Variants in JARID2 observed in about 807,000 individuals in gnomAD.
JARID2 encodes the protein protein Jumonji.
JARID2 carries 21 observed loss-of-function variants against 125.6 expected under a neutral mutation model. The observed-to-expected ratio is 0.17, with a 90% CI of 0.12 to 0.24. The LOEUF is 0.24. JARID2 is among the 10% of genes least tolerant of loss of function. JARID2 has a pLI of 1.00. For missense variants in JARID2, 1,303 were observed against 1,639.6 expected, an observed-to-expected ratio of 0.79 and a Z score of 3.55; for synonymous variants, 736 against 661.6, an observed-to-expected ratio of 1.11 and a Z score of -1.73.
chr6:15,403,088 G>A (rs1307004170), intron 2 of JARID2, among the ~76,000 whole-genome samples: 1 of 152,160 alleles, frequency 6.6e-6, no homozygotes, highest in African/African-American at 2.4e-5. Context: ...GGGGAAGAGA[G>A]TGGGGAGGAT....
intron 6 of JARID2, 102 bp from the exon 7 acceptor site, chr6:15,496,030 C>T: frequency 1.1e-6 from 1 of 937,320 alleles, no homozygotes; most frequent in South Asian, 1.6e-5. Context: ...TGGCTCTGTT[C>T]ATCCCCAGCA....
chr6:15,340,820 A>AGG (rs1763042972), intron 1 of JARID2, among the ~76,000 whole-genome samples: 1 of 152,162 alleles, frequency 6.6e-6, no homozygotes, highest in African/African-American at 2.4e-5. Context: ...GTTTTAGATA[A>AGG]CACTCAGTTG....
Position 15,452,195 on chromosome 6 carries a change from G to C in JARID2, c.493+20G>C. On this transcript the variant is annotated intron_variant, in intron 4 of 17. Coordinates refer to ENST00000341776, the MANE Select transcript of JARID2 (RefSeq NM_004973.4). ...TTCGAGGTAAGACTTTGCAACCATC[G>C]GCGGAGGTCTACGTGGAATCTACAT... is the stretch of plus-strand genomic sequence containing the variant. 1 of 1,612,076 alleles carries C rather than the reference G, an allele frequency of 6.2e-7. No homozygotes were observed.
chr6:15,247,657 T>G (rs1415408452), intron 1 of JARID2: 2 of 985,116 alleles, frequency 2.0e-6, no homozygotes, highest in African/African-American at 3.5e-5. Flanking sequence ...CATTGTGGTG[T>G]GTGTAATGAG....
chr6:15,248,874 C>CGCAGAGCCGGGCTGCG (rs1561744821), intron 1 of JARID2: 1 of 983,130 alleles, frequency 1.0e-6, no homozygotes, highest in African/African-American at 1.7e-5. Context: ...CGGGGGCTGC[C>CGCAGAGCCGGGCTGCG]GCAGAGCCGG....
chr6:15,331,005 T>A (rs1251269310), intron 1 of JARID2, among the ~76,000 whole-genome samples: 1 of 152,112 alleles, frequency 6.6e-6, no homozygotes. Flanking sequence ...TTCATTGTCT[T>A]GTGAAAGGAG....
At chr6:15,298,210 A>G (rs1199601582) in intron 1 of JARID2, among the ~76,000 whole-genome samples, 1 of 152,216 alleles carries the variant, frequency 6.6e-6, no homozygotes, top group South Asian at 2.1e-4. Flanking sequence ...AATTTGCTTT[A>G]TTAAGTATCT....
chr6:15,271,733 C>G (rs988598807), intron 1 of JARID2, among the ~76,000 whole-genome samples: 2 of 152,202 alleles, frequency 1.3e-5, no homozygotes, highest in African/African-American at 4.8e-5. Context: ...AGCACAGTGG[C>G]TCATGCCTGT....
At chr6:15,248,780 CCCT>C (rs998414818) in intron 1 of JARID2, 12 of 297,098 alleles carry the variant, frequency 4.0e-5, no homozygotes, top group South Asian at 1.3e-4. Context: ...TGGAACCTTC[CCCT>C]CCTCCTCCGT....
At position 15,469,785 on chromosome 6, in the gene JARID2, G is replaced by A. The variant is rs192756181; in HGVS notation, c.670+1067G>A. On this transcript the variant is annotated intron_variant, in intron 5 of 17. Transcript: ENST00000341776. Reference sequence around the variant, plus strand: ...ACCGAAGGTTGTCCAGTAGACATTGGAAGATGTAGAATAGGTATAAAAAGG... The same window carrying A: ...ACCGAAGGTTGTCCAGTAGACATTGAAAGATGTAGAATAGGTATAAAAAGG... Among the ~76,000 whole-genome samples the A allele has an allele frequency of 2.2e-3, 334 of 152,270 alleles. 5 individuals carry two copies. Among genetic ancestry groups the A allele is most frequent in the Non-Finnish European group, 6.5e-4 (44 of 68,036 alleles).
rs1052847808 is a variant in JARID2, at chr6:15,521,534, A to G, written c.*1283A>G. 1 of 152,182 alleles carries G rather than the reference A, an allele frequency of 6.6e-6. No homozygotes were observed. Among genetic ancestry groups the G allele is most frequent in the African/African-American group, 2.4e-5 (1 of 41,430 alleles). 9.4% of individuals were successfully genotyped at this position (152,182 alleles called of 1,614,324 possible). ...TGTAACATTTATAAGTGCTGCTTACATCACTGAACAACAACAAAAAAATAA... is the reference window on the plus strand; with the variant it reads ...TGTAACATTTATAAGTGCTGCTTACGTCACTGAACAACAACAAAAAAATAA... On this transcript the variant is annotated 3_prime_UTR_variant, in exon 18 of 18. Coordinates refer to ENST00000341776, the MANE Select transcript of JARID2 (RefSeq NM_004973.4).
intron 1 of JARID2, among the ~76,000 whole-genome samples, chr6:15,257,370 A>G (rs1292142471): frequency 3.3e-5 from 5 of 152,196 alleles, no homozygotes; most frequent in Admixed American, 6.5e-5. Flanking sequence ...CTCTACTTGC[A>G]CATACAGTTT....
chr6:15,263,125 G>T (rs867032720), intron 1 of JARID2, among the ~76,000 whole-genome samples: 4 of 148,094 alleles, frequency 2.7e-5, no homozygotes, highest in Middle Eastern at 6.9e-3. Flanking sequence ...TGTGGTAGGG[G>T]TCCTCATTTT....
chr6:15,355,254 G>A (rs1204976180), intron 1 of JARID2, among the ~76,000 whole-genome samples: 1 of 152,072 alleles, frequency 6.6e-6, no homozygotes, highest in African/African-American at 2.4e-5. Context: ...GTTAGAAATT[G>A]TCAATGAACT....
At chr6:15,319,104 G>C (rs907639252) in intron 1 of JARID2, among the ~76,000 whole-genome samples, 1 of 152,142 alleles carries the variant, frequency 6.6e-6, no homozygotes, top group African/African-American at 2.4e-5. Flanking sequence ...TAGCTTTTAT[G>C]GCTTATTCAC....
At chr6:15,490,902 G>A (rs1770119923) in intron 6 of JARID2, among the ~76,000 whole-genome samples, 1 of 152,240 alleles carries the variant, frequency 6.6e-6, no homozygotes. Flanking sequence ...GTGGCCACAT[G>A]TGATTCTCAT....
At chr6:15,259,012 C>T (rs1364119076) in intron 1 of JARID2, among the ~76,000 whole-genome samples, 1 of 152,112 alleles carries the variant, frequency 6.6e-6, no homozygotes, top group African/African-American at 2.4e-5. Context: ...GTTTTTCTTC[C>T]TAACTTATGG....
At chr6:15,449,476 T>C (rs1477725706) in intron 3 of JARID2, among the ~76,000 whole-genome samples, 2 of 149,142 alleles carry the variant, frequency 1.3e-5, no homozygotes, top group Admixed American at 6.6e-5. Context: ...GGAGACCCTG[T>C]CTTTATCAAA....
chr6:15,352,157 A>C (rs901954708), intron 1 of JARID2, among the ~76,000 whole-genome samples: 3 of 152,058 alleles, frequency 2.0e-5, no homozygotes, highest in Non-Finnish European at 4.4e-5. Context: ...AAATCCTGTT[A>C]GTTTCTTGAA....
Sources: gnomAD v4.1 joint callset for allele counts (sites outside exome capture counted in the v4.1 genomes callset) on GRCh38, gnomAD v4.1.1 for gene constraint, MANE v1.5 for transcripts, NCBI Gene and HGNC (gene_info 2026-07-23, HGNC 2026-07-21) for gene names.